PIGR: variants seen among roughly 807,000 people sequenced by gnomAD.
PIGR encodes polymeric immunoglobulin receptor.
PIGR carries 22 observed loss-of-function variants against 69.5 expected under a neutral mutation model. The observed-to-expected ratio is 0.32, with a 90% CI of 0.23 to 0.45. PIGR has a LOEUF of 0.45. Ranked by LOEUF, PIGR falls within the 20% of genes least tolerant of loss-of-function variation. The probability of loss-of-function intolerance (pLI) is 1.00; values close to 1 mark genes in which losing one functional copy is unlikely to be tolerated. For missense variants in PIGR, 885 were observed against 974.0 expected, an observed-to-expected ratio of 0.91 and a Z score of 1.22; for synonymous variants, 413 against 407.6, an observed-to-expected ratio of 1.01 and a Z score of -0.16.
intron 3 of PIGR, among the ~76,000 whole-genome samples, chr1:206,938,563 T>A (rs1178155497): frequency 6.6e-6 from 1 of 152,210 alleles, no homozygotes; most frequent in Non-Finnish European, 1.5e-5. Context: ...TTTTTTCTCT[T>A]TCTCCAACTA....
Position 206,932,892 on chromosome 1 carries a change from A to G in PIGR, c.1886+94T>C, listed in dbSNP as rs1457824047. ...TAAGGGCTGCCCCAGTGCTCAAGAG[A>G]CAGATGGGCTTTCCTCCTTGGACCT... On this transcript the variant is annotated intron_variant, in intron 7 of 10. Transcript: ENST00000356495. The G allele has an allele frequency of 1.0e-5, 13 of 1,283,282 alleles. No individual in the cohort carries two copies. The African/African-American group carries it at 1.3e-4, about 13-fold the overall frequency. The allele number at this position is 1,283,282 out of a possible 1,614,324, so 79.5% of individuals were successfully genotyped here.
In PIGR at chr1:206,935,383, G is replaced by A; in HGVS notation, c.1378+103C>T. 2 of 973,488 alleles carry A rather than the reference G, an allele frequency of 2.1e-6. No individual in the cohort carries two copies. Among genetic ancestry groups the A allele is most frequent in the South Asian group, 1.5e-5 (1 of 67,392 alleles). The allele number at this position is 973,488 out of a possible 1,614,324, so 60.3% of individuals were successfully genotyped here. ...TAGGTGGGCTCCCTCCTGAGGTCTG[G>A]CCCATCAGGGTGGAGGCGGGTGAAA... On this transcript the variant is annotated intron_variant, in intron 5 of 10. Transcript: ENST00000356495. This position sits in a 1 kb window ranked among gnomAD's most constrained non-coding sequence, Gnocchi z 4.4.
chr1:206,939,409 C>T lies in PIGR; in HGVS notation c.98G>A (p.Gly33Asp). Residue 33 changes from glycine to aspartate, a missense_variant, in exon 3 of 11, where the codon GGT becomes GAT. Gly to Asp is a moderately conservative substitution (Grantham distance 94). Transcript: ENST00000356495. ...GTAGCACGTGATGGACACTGAGTTA[C>T]CTTCCACACTATTCACCTCCTCGGG... ...FGPEEVNSVEGNSVSITCYYP... is the reference protein window; with the variant it reads ...FGPEEVNSVEDNSVSITCYYP... The T allele has an allele frequency of 6.2e-7, 1 of 1,613,840 alleles. No individual in the cohort carries two copies. The highest frequency in any genetic ancestry group is 8.5e-7 in the Non-Finnish European group (1 of 1,179,718).
chr1:206,936,965 CG>C lies in PIGR; in HGVS notation c.1045+129del, dbSNP rs1173524911. The C allele has an allele frequency of 1.2e-4, 105 of 898,234 alleles. 2 individuals are homozygous for C. In the South Asian group the frequency reaches 1.8e-3, roughly 15 times the overall value. The allele number at this position is 898,234 out of a possible 1,614,324, so 55.6% of individuals were successfully genotyped here. ...GCAGCAGCCCACGCAGCCTCCAGTTCGGGGCTGGTCATTGAGTGGATGCTGT... is the reference window on the plus strand; with the variant it reads ...GCAGCAGCCCACGCAGCCTCCAGTTCGGGCTGGTCATTGAGTGGATGCTGT... On this transcript the variant is annotated intron_variant, in intron 4 of 10. Transcript: ENST00000356495.
chr1:206,945,276 G>GA (rs1332891669), intron 1 of PIGR, among the ~76,000 whole-genome samples: 2 of 152,334 alleles, frequency 1.3e-5, no homozygotes, highest in Admixed American at 6.5e-5. Flanking sequence ...TTCCCCTAGT[G>GA]AAGGGGGAAA....
chr1:206,932,837 T>C (rs1679783697), intron 7 of PIGR, 149 bp downstream of exon 7: 14 of 839,420 alleles, frequency 1.7e-5, no homozygotes, highest in South Asian at 3.4e-5. Flanking sequence ...GAGGGTACCA[T>C]AGGACCCTCC....
At chr1:206,933,912 T>A (rs1440868380) in intron 6 of PIGR, among the ~76,000 whole-genome samples, 1 of 151,948 alleles carries the variant, frequency 6.6e-6, no homozygotes, top group Admixed American at 6.6e-5. Flanking sequence ...CTCTGTTGCC[T>A]AGGCTAGAGT....
Position 206,929,196 on chromosome 1 carries a change from T to C in PIGR, c.*1122A>G, listed in dbSNP as rs12040011. The C allele has an allele frequency of 0.096, 14,593 of 152,024 alleles. 1,414 individuals carry two copies. Among genetic ancestry groups the C allele is most frequent in the African/African-American group, 0.24 (9,819 of 41,374 alleles). The allele number at this position is 152,024 out of a possible 1,614,324, so 9.4% of individuals were successfully genotyped here. A position where few individuals can be genotyped will look rare whatever the true frequency, so the allele number is the denominator to read the frequency against. On this transcript the variant is annotated 3_prime_UTR_variant, in exon 11 of 11. Transcript: ENST00000356495. Reference sequence around the variant, plus strand: ...AGGCAGAGGTTTCAGTGAGCCGAGATTGTGTCACTGCATTCCAGTCTGGGT... The same window carrying C: ...AGGCAGAGGTTTCAGTGAGCCGAGACTGTGTCACTGCATTCCAGTCTGGGT...
chr1:206,939,248 A>C lies in PIGR; in HGVS notation c.259T>G (p.Phe87Val). ...KYAGRANLTNFPENGTFVVNI... is the reference protein window; with the variant it reads ...KYAGRANLTNVPENGTFVVNI... ...ACCACAAATGTGCCGTTCTCCGGGA[A>C]GTTGGTGAGGTTAGCCCTGCCTGCA... Residue 87 changes from phenylalanine to valine, a missense_variant, in exon 3 of 11, where the codon TTC (phenylalanine) becomes GTC (valine). By Grantham distance (50) the Phe-to-Val change is conservative (BLOSUM62 -1). Coordinates refer to ENST00000356495, the MANE Select transcript of PIGR (RefSeq NM_002644.4). 6.2e-7 allele frequency: 1 copy of C among 1,614,194 alleles called. No homozygotes were observed. Among genetic ancestry groups the C allele is most frequent in the Non-Finnish European group, 8.5e-7 (1 of 1,180,046 alleles).
chr1:206,937,232 T>C lies in PIGR; in HGVS notation c.908A>G (p.Asp303Gly). ...FEGRILLNPQ[D>G]KDGSFSVVIT... is the part of the protein sequence containing the mutation. The stretch of plus-strand genomic sequence containing the variant: ...CACCACACTGAATGAGCCATCCTTG[T>C]CCTGGGGGTTGAGCAGGATCCTGCC... Residue 303 changes from aspartate to glycine, a missense_variant, in exon 4 of 11, where the codon GAC becomes GGC. Transcript: ENST00000356495. 6.2e-7 allele frequency: 1 copy of C among 1,614,166 alleles called. No individual in the cohort carries two copies. Among genetic ancestry groups the C allele is most frequent in the East Asian group, 2.2e-5 (1 of 44,874 alleles).
chr1:206,930,862 C>T lies in PIGR; in HGVS notation c.2200-449G>A. On this transcript the variant is annotated intron_variant, in intron 10 of 10. Coordinates refer to ENST00000356495, the MANE Select transcript of PIGR (RefSeq NM_002644.4). This position sits in a 1 kb window ranked among gnomAD's most constrained non-coding sequence, Gnocchi z 4.3. ...ACTTTGCTAAATGCCAGAGATGTTT[C>T]AAGAAAAAGTAGATATGATAAAAAC... 2.0e-6 allele frequency: 2 copies of T among 985,340 alleles called. No homozygotes were observed. Among genetic ancestry groups the T allele is most frequent in the South Asian group, 4.7e-5 (1 of 21,274 alleles). 61.0% of individuals were successfully genotyped at this position (985,340 alleles called of 1,614,324 possible).
At position 206,935,359 on chromosome 1, in the gene PIGR, A is replaced by G; in HGVS notation, c.1378+127T>C. Reference sequence around the variant, plus strand: ...AGGCATGAAAATGTGACCTCTGGATAGGTGGGCTCCCTCCTGAGGTCTGGC... The same window carrying G: ...AGGCATGAAAATGTGACCTCTGGATGGGTGGGCTCCCTCCTGAGGTCTGGC... On this transcript the variant is annotated intron_variant, in intron 5 of 10. Coordinates refer to ENST00000356495, the MANE Select transcript of PIGR (RefSeq NM_002644.4). This position sits in a 1 kb window ranked among gnomAD's most constrained non-coding sequence, Gnocchi z 4.4. The G allele has an allele frequency of 1.4e-6, 1 of 728,114 alleles. No individual in the cohort carries two copies. Among genetic ancestry groups the G allele is most frequent in the Non-Finnish European group, 2.3e-6 (1 of 426,232 alleles). The allele number at this position is 728,114 out of a possible 1,614,324, so 45.1% of individuals were successfully genotyped here.
At chr1:206,943,332 C>T (rs766468257) in intron 1 of PIGR, among the ~76,000 whole-genome samples, 23 of 152,136 alleles carry the variant, frequency 1.5e-4, no homozygotes, top group South Asian at 2.1e-4. Context: ...GAGGTCACTA[C>T]CCCATTATCA....
chr1:206,945,283 G>C (rs1398508405), intron 1 of PIGR, among the ~76,000 whole-genome samples: 1 of 152,174 alleles, frequency 6.6e-6, no homozygotes, highest in Non-Finnish European at 1.5e-5. Flanking sequence ...AGTGAAGGGG[G>C]AAAGTGATGG....
rs1679708357 is a variant in PIGR at position 206,930,276 on chromosome 1, A to G, written c.*42T>C. ...GGGCCCCAGGATCGACATGATTCTG[A>G]AGGTGATTGTCATGGGTGCAGGGAG... On this transcript the variant is annotated 3_prime_UTR_variant, in exon 11 of 11. Transcript: ENST00000356495. The surrounding 1 kb of genome is among the most constrained non-coding windows in gnomAD (Gnocchi z 4.3). The G allele has an allele frequency of 1.9e-6, 3 of 1,546,108 alleles. No individual in the cohort carries two copies.
chr1:206,935,195 C>G lies in PIGR; in HGVS notation c.1378+291G>C, dbSNP rs549522331. Among the ~76,000 whole-genome samples the G allele has an allele frequency of 9.2e-5, 14 of 152,326 alleles. No homozygotes were observed. The East Asian group carries it at 2.5e-3, about 27-fold the overall frequency. ...ACTTCAGTTTGCTTTCCTCACTCTT[C>G]CTTCTCTTCTAGACTCAATACAAAG... On this transcript the variant is annotated intron_variant, in intron 5 of 10. Coordinates refer to ENST00000356495, the MANE Select transcript of PIGR (RefSeq NM_002644.4). The surrounding 1 kb of genome is among the most constrained non-coding windows in gnomAD (Gnocchi z 4.4).
intron 8 of PIGR, among the ~76,000 whole-genome samples, chr1:206,932,051 G>A (rs115947858): frequency 0.012 from 1,900 of 152,188 alleles, 41 homozygotes; most frequent in African/African-American, 0.043. Context: ...CATCTCCTTT[G>A]GTCCTCACAT....
Position 206,930,899 on chromosome 1 carries a change from C to T in PIGR, c.2200-486G>A. ...GATATGATAAAAACAACAACAACAA[C>T]AACAAAAACTCTCACCTCGGGATTA... is the stretch of plus-strand genomic sequence containing the variant. On this transcript the variant is annotated intron_variant, in intron 10 of 10. Coordinates refer to ENST00000356495, the MANE Select transcript of PIGR (RefSeq NM_002644.4). This position sits in a 1 kb window ranked among gnomAD's most constrained non-coding sequence, Gnocchi z 4.3. The T allele has an allele frequency of 1.0e-6, 1 of 985,442 alleles. No individual in the cohort carries two copies. 61.0% of individuals were successfully genotyped at this position (985,442 alleles called of 1,614,324 possible). A position where few individuals can be genotyped will look rare whatever the true frequency, so the allele number is the denominator to read the frequency against.
chr1:206,945,377 C>A (rs1396894248), intron 1 of PIGR, among the ~76,000 whole-genome samples: 1 of 152,154 alleles, frequency 6.6e-6, no homozygotes, highest in African/African-American at 2.4e-5. Flanking sequence ...GAGCTTGACC[C>A]GCTGCTGCCC....
Sources: gnomAD v4.1 joint callset for allele counts (sites outside exome capture counted in the v4.1 genomes callset) on GRCh38, gnomAD v4.1.1 for gene constraint, Gnocchi (gnomAD v3.1) non-coding constraint, MANE v1.5 for transcripts, NCBI Gene and HGNC (gene_info 2026-07-23, HGNC 2026-07-21) for gene names.